The following SFI1 variants were observed in gnomAD, a reference collection of about 807,000 sequenced individuals.
SFI1 encodes the protein SFI1 centrin binding protein, also known as protein SFI1 homolog.
SFI1 carries 195 observed loss-of-function variants against 207.5 expected under a neutral mutation model. That is an observed-to-expected ratio of 0.94 (90% CI 0.84 to 1.06). SFI1 has a LOEUF of 1.06. Among genes scored for constraint, SFI1 ranks in the 50% least tolerant of loss-of-function variants. The probability of loss-of-function intolerance (pLI) is 0.00; values close to 1 mark genes in which losing one functional copy is unlikely to be tolerated. For synonymous variants in SFI1, 630 were observed against 598.9 expected, an observed-to-expected ratio of 1.05 and a Z score of -0.76; for missense variants, 1,634 against 1,588.0, an observed-to-expected ratio of 1.03 and a Z score of -0.49.
At position 31,618,167 on chromosome 22, in the gene SFI1, G is replaced by A. The variant is rs1215510019; in HGVS notation, c.3565G>A (p.Glu1189Lys). ...SLRRWLELNR[E>K]EPGPEDQEVE... ...GCGCAGGTGGCTGGAGCTGAACAGA[G>A]AGGAGCCGGGGCCTGAGGACCAGGA... is the stretch of plus-strand genomic sequence containing the variant. Residue 1189 changes from glutamate to lysine, a missense_variant, in exon 32 of 33, where the codon GAG becomes AAG. Physicochemically the swap from Glu to Lys is moderately conservative, Grantham distance 56 (BLOSUM62 1). Transcript: ENST00000400288. 2 of 1,594,008 alleles carry A rather than the reference G, an allele frequency of 1.3e-6. No homozygotes were observed. Among genetic ancestry groups the A allele is most frequent in the African/African-American group, 1.3e-5 (1 of 74,936 alleles).
At chr22:31,571,512 G>A (rs553580334) in intron 8 of SFI1, among the ~76,000 whole-genome samples, 268 of 149,752 alleles carry the variant, frequency 1.8e-3, no homozygotes, top group African/African-American at 5.4e-3. Context: ...ACAGAGTTTC[G>A]CCATGTTTCC....
At chr22:31,530,980 C>A in intron 3 of SFI1, 78 bp from the exon 4 acceptor site, 1 of 1,225,606 alleles carries the variant, frequency 8.2e-7, no homozygotes, top group Non-Finnish European at 1.2e-6. Flanking sequence ...TTAAAGGCTT[C>A]CTTTCCTTTC....
intron 15 of SFI1, among the ~76,000 whole-genome samples, chr22:31,594,241 T>C (rs1011935689): frequency 6.6e-6 from 1 of 152,162 alleles, no homozygotes; most frequent in African/African-American, 2.4e-5. Context: ...CTTGAAATGA[T>C]AGTCATCAAC....
chr22:31,570,086 C>A (rs775516904), intron 8 of SFI1, among the ~76,000 whole-genome samples: 1 of 151,510 alleles, frequency 6.6e-6, no homozygotes, highest in Non-Finnish European at 1.5e-5. Flanking sequence ...CATTGCACTT[C>A]AGTCTGGCAG....
intron 2 of SFI1, among the ~76,000 whole-genome samples, chr22:31,519,437 A>ATTT (rs756071630): frequency 7.3e-6 from 1 of 137,572 alleles, no homozygotes; most frequent in Non-Finnish European, 1.6e-5. Flanking sequence ...CATCTGGCTA[A>ATTT]TTTTTTTTTT....
At chr22:31,612,394 A>ATATATATATAT (rs1367477107) in intron 24 of SFI1, 8 of 107,336 alleles carry the variant, frequency 7.5e-5, no homozygotes, top group African/African-American at 3.0e-4. Context: ...AAAAAAAAAA[A>ATATATATATAT]AAAAATATAT....
Position 31,568,210 on chromosome 22 carries a change from GTATATATATATATA to G in SFI1, c.766-4844_766-4831del, listed in dbSNP as rs1158605358. Among the ~76,000 whole-genome samples the G allele has an allele frequency of 8.7e-4, 100 of 114,592 alleles. 1 individual carries two copies. Among genetic ancestry groups the G allele is most frequent in the African/African-American group, 3.0e-3 (94 of 31,568 alleles). The allele number at this position is 114,592 out of a possible 152,430, so 75.2% of individuals were successfully genotyped here. On this transcript the variant is annotated intron_variant, in intron 8 of 32. Transcript: ENST00000400288. ...GTGTGTGTGTTGTGTGTGTGTGTGT[GTATATATATATATA>G]TATTTTTTTTTTTTTACCATAAATG...
At chr22:31,520,303 C>T (rs1171347427) in intron 2 of SFI1, among the ~76,000 whole-genome samples, 3 of 152,160 alleles carry the variant, frequency 2.0e-5, no homozygotes, top group East Asian at 3.9e-4. Flanking sequence ...CTTTTCTTCA[C>T]GGTTTTATTA....
At chr22:31,578,944 C>G (rs2146032374) in intron 11 of SFI1, among the ~76,000 whole-genome samples, 1 of 152,240 alleles carries the variant, frequency 6.6e-6, no homozygotes, top group African/African-American at 2.4e-5. Flanking sequence ...AAGCCTAAGG[C>G]ATGGGGAAGT....
chr22:31,593,359 G>A (rs2066455942), intron 15 of SFI1, among the ~76,000 whole-genome samples: 1 of 140,042 alleles, frequency 7.1e-6, no homozygotes, highest in Admixed American at 6.9e-5. Flanking sequence ...TCCCAGATGG[G>A]ACGGCGGGGC....
chr22:31,592,732 T>C (rs1485019377), intron 15 of SFI1, among the ~76,000 whole-genome samples: 1 of 75,892 alleles, frequency 1.3e-5, no homozygotes, highest in Non-Finnish European at 2.6e-5. Flanking sequence ...GCAGAGGGGC[T>C]CCTCACTTCC....
intron 9 of SFI1, 144 bp from the exon 10 acceptor site, chr22:31,575,087 T>C (rs1393877764): frequency 5.0e-3 from 2 of 400 alleles, no homozygotes; most frequent in East Asian, 0.25. Flanking sequence ...ACTTAGTGCG[T>C]GTGTGTGTGT....
In SFI1 at chr22:31,589,536, C is replaced by A. The variant is rs199525016; in HGVS notation, c.1503C>A (p.His501Gln). 109 of 1,614,010 alleles carry A rather than the reference C, an allele frequency of 6.8e-5. No individual in the cohort carries two copies. The Admixed American group carries it at 1.7e-3, about 26-fold the overall frequency. Reference sequence around the variant, plus strand: ...GGAACAGACTCTGGCGATGGCGCCACCAGGAAAATGTCCTCAGTGCAAGAG... The same window carrying A: ...GGAACAGACTCTGGCGATGGCGCCAACAGGAAAATGTCCTCAGTGCAAGAG... ...HTWNRLWRWR[H>Q]QENVLSARAT... The change falls in exon 15 of 33, where the codon CAC (histidine) becomes CAA (glutamine). Residue 501 changes from histidine to glutamine, a missense_variant. Physicochemically the swap from His to Gln is conservative, Grantham distance 24. Coordinates refer to ENST00000400288, the MANE Select transcript of SFI1 (RefSeq NM_001007467.3).
chr22:31,598,127 A>G (rs1261728391), intron 15 of SFI1, among the ~76,000 whole-genome samples: 16 of 149,874 alleles, frequency 1.1e-4, no homozygotes, highest in Admixed American at 8.0e-4. Flanking sequence ...ACAGGTGCCC[A>G]CCACCACACC....
intron 21 of SFI1, 50 bp from the exon 22 acceptor site, chr22:31,607,887 G>A (rs1269508597): frequency 5.7e-6 from 9 of 1,565,838 alleles, no homozygotes; most frequent in South Asian, 4.5e-5. Flanking sequence ...GGGTGGACCC[G>A]GAAGCCAGGA....
intron 5 of SFI1, among the ~76,000 whole-genome samples, chr22:31,548,071 T>C (rs1240899062): frequency 1.3e-5 from 2 of 150,782 alleles, no homozygotes; most frequent in Non-Finnish European, 3.0e-5. Context: ...AAAAACAAAA[T>C]TGGCTAGGCG....
intron 10 of SFI1, among the ~76,000 whole-genome samples, chr22:31,575,631 A>G (rs986413513): frequency 2.0e-5 from 3 of 152,236 alleles, no homozygotes; most frequent in Admixed American, 1.3e-4. Context: ...CCCAACTTTC[A>G]AAATAGAACC....
rs1410517022 is a variant in SFI1, at chr22:31,614,818, C to T, written c.3026C>T (p.Pro1009Leu). The change falls in exon 28 of 33, where the codon CCG (proline) becomes CTG (leucine). Residue 1009 changes from proline to leucine, a missense_variant. By Grantham distance (98) the Pro-to-Leu change is moderately conservative. Transcript: ENST00000400288. ...LNTAHSARKQPRRPHFLLEPA... is the reference protein window; with the variant it reads ...LNTAHSARKQLRRPHFLLEPA... ...ACTGCCCACTCAGCGAGGAAGCAGC[C>T]GCGACGCCCACACTTCCTGTTGGAG... 5.6e-6 allele frequency: 9 copies of T among 1,613,894 alleles called. No homozygotes were observed. The highest frequency in any genetic ancestry group is 1.7e-5 in the Admixed American group (1 of 60,014).
intron 15 of SFI1, among the ~76,000 whole-genome samples, chr22:31,596,070 T>A (rs917080229): frequency 6.6e-6 from 1 of 152,056 alleles, no homozygotes; most frequent in African/African-American, 2.4e-5. Flanking sequence ...CTGGCCAACA[T>A]GGTGAAACCC....
Sources: gnomAD v4.1 joint callset for allele counts (sites outside exome capture counted in the v4.1 genomes callset) on GRCh38, gnomAD v4.1.1 for gene constraint, MANE v1.5 for transcripts, NCBI Gene and HGNC (gene_info 2026-07-23, HGNC 2026-07-21) for gene names.